ZNF718: variants seen among roughly 807,000 people sequenced by gnomAD.
The protein encoded by ZNF718 is zinc finger protein 718.
ZNF718 carries 3 observed loss-of-function variants against 2.6 expected under a neutral mutation model. The ratio of observed to expected loss-of-function variants is 1.16; its 90% CI spans 0.53 to 3.01. The LOEUF (loss-of-function observed/expected upper bound fraction) is 3.01. Among genes scored for constraint, ZNF718 ranks in the 30% most tolerant of loss-of-function variants. The pLI is 0.03. For synonymous variants in ZNF718, 135 were observed against 77.9 expected, an observed-to-expected ratio of 1.73 and a Z score of -3.86; for missense variants, 468 against 230.0, an observed-to-expected ratio of 2.03 and a Z score of -6.69.
chr4:177,240 T>C (rs1456642981), intron 3 of ZNF718, among the ~76,000 whole-genome samples: 3 of 152,170 alleles, frequency 2.0e-5, no homozygotes, highest in Non-Finnish European at 4.4e-5. Flanking sequence ...TAGAAACCAC[T>C]GCTCAAACTC....
intron 3 of ZNF718, among the ~76,000 whole-genome samples, chr4:177,452 G>T (rs11728456): frequency 0.037 from 5,587 of 152,250 alleles, 137 homozygotes; most frequent in Non-Finnish European, 0.056. Context: ...TCAGAAACAT[G>T]CCACTTAGGT....
At chr4:196,418 A>T (rs539081991) in intron 3 of ZNF718, among the ~76,000 whole-genome samples, 2 of 151,928 alleles carry the variant, frequency 1.3e-5, no homozygotes, top group Non-Finnish European at 2.9e-5. Flanking sequence ...GCTTCCTTAG[A>T]TACCTTTGGA....
intron 3 of ZNF718, among the ~76,000 whole-genome samples, chr4:188,716 G>A (rs1553820737): frequency 6.6e-6 from 1 of 152,134 alleles, no homozygotes; most frequent in African/African-American, 2.4e-5. Context: ...GCTCACAAGG[G>A]GCTCTCCTAA....
downstream of ZNF718, among the ~76,000 whole-genome samples, chr4:168,487 T>C (rs1295689703): frequency 6.6e-6 from 1 of 152,024 alleles, no homozygotes; most frequent in East Asian, 1.9e-4. Flanking sequence ...GTGCTGGACT[T>C]TTTTTTGGTT....
intron 3 of ZNF718, among the ~76,000 whole-genome samples, chr4:192,585 G>T (rs1553821399): frequency 6.6e-6 from 1 of 152,156 alleles, no homozygotes; most frequent in African/African-American, 2.4e-5. Flanking sequence ...CTGTTGGTGA[G>T]GTTGGCTGGA....
chr4:183,029 T>C (rs1393590763), intron 3 of ZNF718, among the ~76,000 whole-genome samples: 1 of 152,214 alleles, frequency 6.6e-6, no homozygotes, highest in African/African-American at 2.4e-5. Context: ...AAATTTTTGC[T>C]TTTCTTGAAA....
At chr4:194,988 CT>C (rs1161982628) in intron 3 of ZNF718, among the ~76,000 whole-genome samples, 13 of 152,136 alleles carry the variant, frequency 8.5e-5, no homozygotes, top group Non-Finnish European at 2.9e-5. Context: ...TCCTGCACCC[CT>C]TTTCCTGCCT....
intron 3 of ZNF718, among the ~76,000 whole-genome samples, chr4:136,844 A>G (rs982765083): frequency 7.2e-5 from 11 of 152,286 alleles, no homozygotes; most frequent in South Asian, 2.1e-4. Context: ...CATCTATTGA[A>G]GGGTGTTTGA....
chr4:183,971 CCT>C (rs782475140), intron 3 of ZNF718, among the ~76,000 whole-genome samples: 24 of 152,038 alleles, frequency 1.6e-4, no homozygotes, highest in Non-Finnish European at 3.1e-4. Context: ...AGTTTAATTT[CCT>C]CTCTTTTTAT....
At chr4:141,717 A>C (rs1715819669) in intron 3 of ZNF718, among the ~76,000 whole-genome samples, 1 of 152,226 alleles carries the variant, frequency 6.6e-6, no homozygotes, top group Non-Finnish European at 1.5e-5. Context: ...GTCAATTATA[A>C]TTATGGTTAT....
Position 190,079 on chromosome 4 carries a change from T to A in ZNF718, c.227-11002T>A, listed in dbSNP as rs560236048. Among the ~76,000 whole-genome samples the A allele has an allele frequency of 2.0e-5, 3 of 152,300 alleles. No homozygotes were observed. The South Asian group carries it at 6.2e-4, about 32-fold the overall frequency. ...GGTCCACAGTCTTCTTTATTTGTGA[T>A]CCTTTTGTCTGCTTTTAGTATCACA... On this transcript the variant is annotated intron_variant and NMD_transcript_variant, in intron 3 of 4. Coordinates refer to the ZNF718 transcript ENST00000642529.
intron 3 of ZNF718, among the ~76,000 whole-genome samples, chr4:160,197 A>C (rs115385276): frequency 6.6e-6 from 1 of 152,216 alleles, no homozygotes; most frequent in Non-Finnish European, 1.5e-5. Context: ...AAAAACCAGA[A>C]GTAGGAATGC....
intron 3 of ZNF718, among the ~76,000 whole-genome samples, chr4:182,795 GTCT>G (rs1360739935): frequency 6.6e-6 from 1 of 152,110 alleles, no homozygotes; most frequent in Non-Finnish European, 1.5e-5. Flanking sequence ...CCACATGTAT[GTCT>G]TCTTCTGAGA....
chr4:172,646 T>C (rs1431049327), intron 3 of ZNF718, among the ~76,000 whole-genome samples: 1 of 152,184 alleles, frequency 6.6e-6, no homozygotes, highest in Non-Finnish European at 1.5e-5. Context: ...TTGTCTATTA[T>C]AGTAAACACC....
In ZNF718 at chr4:200,779, A is replaced by ATAGCC. The variant is rs547550378; in HGVS notation, c.227-301_227-300insAGCCT. 3.6e-3 allele frequency among the ~76,000 whole-genome samples: 541 copies of ATAGCC among 152,188 alleles called. 5 individuals are homozygous for ATAGCC. The highest frequency in any genetic ancestry group is 0.032 in the South Asian group (152 of 4,816). On this transcript the variant is annotated intron_variant and NMD_transcript_variant, in intron 3 of 4. Coordinates refer to the ZNF718 transcript ENST00000642529. ...CAAGAGCAGCTGTACATTTCACATA[A>ATAGCC]TTTTTTCAAAAGGAAAGGCTATTAA...
chr4:155,312 C>T (rs1250538991), intron 3 of ZNF718, among the ~76,000 whole-genome samples: 2 of 152,094 alleles, frequency 1.3e-5, no homozygotes, highest in African/African-American at 4.8e-5. Flanking sequence ...CTCCAGGCCC[C>T]AGAATGATAG....
intron 3 of ZNF718, among the ~76,000 whole-genome samples, chr4:173,961 C>G (rs909502275): frequency 6.6e-5 from 10 of 152,160 alleles, no homozygotes; most frequent in Admixed American, 6.5e-5. Flanking sequence ...AGGCTTGGAA[C>G]AAACACAATT....
chr4:138,168 A>T (rs149769569), intron 3 of ZNF718, among the ~76,000 whole-genome samples: 4 of 152,204 alleles, frequency 2.6e-5, no homozygotes, highest in Non-Finnish European at 4.4e-5. Flanking sequence ...TTAGTTATTT[A>T]AAAATGTACA....
intron 3 of ZNF718, among the ~76,000 whole-genome samples, chr4:174,408 C>T (rs191326332): frequency 2.0e-4 from 31 of 152,220 alleles, no homozygotes; most frequent in East Asian, 7.7e-4. Context: ...AAATTGGGAG[C>T]GGTTCTCTGT....
Sources: gnomAD v4.1 joint callset for allele counts (sites outside exome capture counted in the v4.1 genomes callset) on GRCh38, gnomAD v4.1.1 for gene constraint, MANE v1.5 for transcripts, NCBI Gene and HGNC (gene_info 2026-07-23, HGNC 2026-07-21) for gene names.